Variants in KIAA1217 observed in about 807,000 individuals in gnomAD.
The protein encoded by KIAA1217 is KIAA1217, also known as sickle tail protein homolog.
KIAA1217 carries 88 observed loss-of-function variants against 163.9 expected under a neutral mutation model. The observed-to-expected ratio is 0.54, with a 90% CI of 0.45 to 0.64. The LOEUF is 0.64. Among genes scored for constraint, KIAA1217 ranks in the 30% least tolerant of loss-of-function variants. The pLI, the probability that KIAA1217 is intolerant of heterozygous loss-of-function variation, is 0.00. For missense variants in KIAA1217, 2,372 were observed against 2,475.0 expected, an observed-to-expected ratio of 0.96 and a Z score of 0.88; for synonymous variants, 903 against 923.1, an observed-to-expected ratio of 0.98 and a Z score of 0.39.
rs147063946 is a variant in KIAA1217, at chr10:24,090,092, G to A, written c.-171+82718G>A. Among the ~76,000 whole-genome samples, 159 of 151,446 alleles carry A rather than the reference G, an allele frequency of 1.0e-3. 5 individuals carry two copies. Among genetic ancestry groups the A allele is most frequent in the African/African-American group, 3.3e-3 (135 of 41,020 alleles). ...TGCTCTCCTCTGCCGTCTAAAGTGG[G>A]GAGATCCTGCTCAGTTGCTGGAATT... On this transcript the variant is annotated intron_variant, in intron 2 of 18. Transcript: ENST00000376462.
intron 2 of KIAA1217, among the ~76,000 whole-genome samples, chr10:24,050,940 A>G (rs1429256153): frequency 6.6e-6 from 1 of 151,912 alleles, no homozygotes; most frequent in Non-Finnish European, 1.5e-5. Context: ...TATTTATTTC[A>G]CTTATTTTGG....
At chr10:24,105,108 T>C (rs958088387) in intron 2 of KIAA1217, among the ~76,000 whole-genome samples, 2 of 152,102 alleles carry the variant, frequency 1.3e-5, no homozygotes, top group African/African-American at 2.4e-5. Context: ...TTAATAGTTA[T>C]GTAACTGTAG....
At chr10:23,877,210 T>C (rs2131178860) in intron 1 of KIAA1217, among the ~76,000 whole-genome samples, 1 of 152,056 alleles carries the variant, frequency 6.6e-6, no homozygotes, top group Non-Finnish European at 1.5e-5. Context: ...TGAGATGTAC[T>C]CACCTATCAG....
At chr10:24,422,936 G>C (rs373397034) in intron 3 of KIAA1217, among the ~76,000 whole-genome samples, 7 of 120,298 alleles carry the variant, frequency 5.8e-5, no homozygotes, top group Non-Finnish European at 1.1e-4. Flanking sequence ...ACAGAGTCTC[G>C]CTCTATTGCC....
At chr10:23,930,532 G>T (rs1237836902) in intron 1 of KIAA1217, among the ~76,000 whole-genome samples, 1 of 152,132 alleles carries the variant, frequency 6.6e-6, no homozygotes, top group African/African-American at 2.4e-5. Context: ...AAACTGGTTT[G>T]CATCTTACAG....
Position 24,219,912 on chromosome 10 carries a change from A to T in KIAA1217, c.354+3A>T. ...ACCAAGAGAGGCTGAGAGACCAGGT[A>T]CGAATATGCTCTCATTTCTCCTTGT... On this transcript the variant is annotated splice_donor_region_variant and intron_variant, in intron 2 of 20. Transcript: ENST00000376454. The T allele has an allele frequency of 3.8e-6, 6 of 1,586,844 alleles. No individual in the cohort carries two copies. Among genetic ancestry groups the T allele is most frequent in the Non-Finnish European group, 5.1e-6 (6 of 1,167,480 alleles).
intron 2 of KIAA1217, among the ~76,000 whole-genome samples, chr10:24,241,933 T>C (rs2073158305): frequency 6.6e-6 from 1 of 152,034 alleles, no homozygotes; most frequent in Admixed American, 6.6e-5. Flanking sequence ...TCGAGGGGGA[T>C]TCTAGAGGGA....
chr10:23,944,698 A>T (rs1018324499), intron 1 of KIAA1217, among the ~76,000 whole-genome samples: 11 of 152,226 alleles, frequency 7.2e-5, no homozygotes, highest in African/African-American at 2.7e-4. Flanking sequence ...TGAGAATATT[A>T]AGAAACTGGA....
At position 23,726,979 on chromosome 10, in the gene KIAA1217, C is replaced by CTTTTTTTT. The variant is rs1012125050; in HGVS notation, c.-321+31764_-321+31771dup. 1.4e-4 allele frequency among the ~76,000 whole-genome samples: 13 copies of CTTTTTTTT among 93,416 alleles called. 1 individual carries two copies. Among genetic ancestry groups the CTTTTTTTT allele is most frequent in the African/African-American group, 5.8e-4 (12 of 20,686 alleles). 61.3% of individuals were successfully genotyped at this position (93,416 alleles called of 152,430 possible). The stretch of plus-strand genomic sequence containing the variant: ...ATTTCCATGCCATTTGTATAGGCCT[C>CTTTTTTTT]TTTTTTTTTTTTTTTTTTTTTTTTT... On this transcript the variant is annotated intron_variant, in intron 1 of 18. Coordinates refer to the KIAA1217 transcript ENST00000376462.
At chr10:23,897,653 A>G (rs1841764526) in intron 1 of KIAA1217, among the ~76,000 whole-genome samples, 1 of 152,082 alleles carries the variant, frequency 6.6e-6, no homozygotes, top group South Asian at 2.1e-4. Context: ...CGAGGAGTGT[A>G]AAACCAACTG....
At chr10:23,858,571 A>T (rs1470583820) in intron 1 of KIAA1217, among the ~76,000 whole-genome samples, 1 of 151,910 alleles carries the variant, frequency 6.6e-6, no homozygotes, top group Non-Finnish European at 1.5e-5. Context: ...TTGCTTTTTG[A>T]AAAAAACAAC....
chr10:24,040,556 G>A (rs1848587968), intron 2 of KIAA1217, among the ~76,000 whole-genome samples: 1 of 152,190 alleles, frequency 6.6e-6, no homozygotes, highest in South Asian at 2.1e-4. Flanking sequence ...CTTAAATTTT[G>A]TAGTTATGCT....
chr10:24,179,749 C>T (rs192243908), intron 2 of KIAA1217, among the ~76,000 whole-genome samples: 11 of 152,130 alleles, frequency 7.2e-5, no homozygotes, highest in East Asian at 3.9e-4. Context: ...CCACCACATC[C>T]GGCTAATTTT....
chr10:24,409,596 A>C (rs900105999), intron 3 of KIAA1217, among the ~76,000 whole-genome samples: 2 of 152,182 alleles, frequency 1.3e-5, no homozygotes, highest in African/African-American at 4.8e-5. Flanking sequence ...CAGTTTTTTA[A>C]AATTTTTTAT....
intron 16 of KIAA1217, among the ~76,000 whole-genome samples, chr10:24,535,272 C>G (rs1412141635): frequency 6.6e-6 from 1 of 152,118 alleles, no homozygotes; most frequent in Non-Finnish European, 1.5e-5. Context: ...GCAAGGAGAC[C>G]AGGTACAGCA....
chr10:23,778,034 C>CT (rs201510122), intron 1 of KIAA1217, among the ~76,000 whole-genome samples: 1,519 of 151,548 alleles, frequency 0.01, 44 homozygotes, highest in African/African-American at 0.03. Context: ...CCACCGCCTC[C>CT]GGGTTCAAGT....
intron 3 of KIAA1217, among the ~76,000 whole-genome samples, chr10:24,396,558 T>A (rs955357831): frequency 6.6e-6 from 1 of 152,012 alleles, no homozygotes; most frequent in African/African-American, 2.4e-5. Context: ...AGAGTTGTAA[T>A]TTTATGAAAG....
In KIAA1217 at chr10:24,252,315, C is replaced by T. The variant is rs75579726; in HGVS notation, c.354+32406C>T. The stretch of plus-strand genomic sequence containing the variant: ...CATTTTGAACTGGTGAGATGGCTCA[C>T]ACCTGGAATTCCAGCACTTTGGGAG... On this transcript the variant is annotated intron_variant, in intron 2 of 20. Coordinates refer to ENST00000376454, the MANE Select transcript of KIAA1217 (RefSeq NM_019590.5). 1.9e-3 allele frequency among the ~76,000 whole-genome samples: 283 copies of T among 152,248 alleles called. 4 individuals carry two copies. Among genetic ancestry groups the T allele is most frequent in the African/African-American group, 6.2e-3 (257 of 41,538 alleles).
rs140682741 is a variant in KIAA1217 at position 24,403,760 on chromosome 10, A to G, written c.553+22693A>G. ...ATAAGCACATGAAAAGATGTTCAACATCATTAGCCTTTAGAAAAATGCAAA... is the reference window on the plus strand; with the variant it reads ...ATAAGCACATGAAAAGATGTTCAACGTCATTAGCCTTTAGAAAAATGCAAA... On this transcript the variant is annotated intron_variant, in intron 3 of 20. Coordinates refer to ENST00000376454, the MANE Select transcript of KIAA1217 (RefSeq NM_019590.5). Among the ~76,000 whole-genome samples the G allele has an allele frequency of 7.3e-4, 111 of 152,368 alleles. 3 individuals are homozygous for G. In the East Asian group the frequency reaches 0.019, roughly 26 times the overall value.
Sources: allele counts gnomAD v4.1 joint callset (sites outside exome capture counted in the v4.1 genomes callset), GRCh38; gene constraint gnomAD v4.1.1; transcripts MANE v1.5; gene names NCBI Gene and HGNC (gene_info 2026-07-23, HGNC 2026-07-21).